SNX13: variants seen among roughly 807,000 people sequenced by gnomAD.
SNX13 encodes sorting nexin 13, also known as sorting nexin-13.
SNX13 carries 45 observed loss-of-function variants against 133.6 expected under a neutral mutation model. The ratio of observed to expected loss-of-function variants is 0.34; its 90% CI spans 0.27 to 0.43. SNX13 has a LOEUF of 0.43. SNX13 is among the 20% of genes least tolerant of loss of function. SNX13 has a pLI of 1.00. For synonymous variants in SNX13, 414 were observed against 373.9 expected (o/e 1.11, Z -1.24); for missense variants, 1,032 against 1,145.1 (o/e 0.90, Z 1.43).
chr7:17,878,414 A>C (rs1211843125), intron 5 of SNX13, among the ~76,000 whole-genome samples: 1 of 152,210 alleles, frequency 6.6e-6, no homozygotes, highest in Non-Finnish European at 1.5e-5. Flanking sequence ...TGAAGCTTAT[A>C]TATCTTGACA....
chr7:17,887,636 G>C (rs1243401079), intron 5 of SNX13, among the ~76,000 whole-genome samples: 1 of 152,192 alleles, frequency 6.6e-6, no homozygotes, highest in Non-Finnish European at 1.5e-5. Context: ...AAGAGCTTAA[G>C]AAGTAATAGA....
In SNX13 at chr7:17,839,808, T is replaced by G; in HGVS notation, c.1358A>C (p.Lys453Thr). 1.3e-6 allele frequency: 2 copies of G among 1,596,678 alleles called. No individual in the cohort carries two copies. Among genetic ancestry groups the G allele is most frequent in the Non-Finnish European group, 1.7e-6 (2 of 1,172,208 alleles). The change falls in exon 13 of 26, where the codon AAG becomes ACG. Residue 453 changes from lysine to threonine, a missense_variant and splice_region_variant. By Grantham distance (78) the Lys-to-Thr change is moderately conservative. Transcript: ENST00000428135. The part of the protein sequence containing the change: ...VGIYEQYLSE[K>T]ASPRVTVDDY... ...ACAGTAATCAAAATACAGCCTCACC[T>G]TTTCTGATAAATACTGTTCATAAAT...
chr7:17,812,129 A>G (rs1318248499), intron 20 of SNX13, among the ~76,000 whole-genome samples: 1 of 152,182 alleles, frequency 6.6e-6, no homozygotes, highest in Non-Finnish European at 1.5e-5. Context: ...AATGGCAACA[A>G]AAGCCAAAAT....
chr7:17,792,750 G>A lies in SNX13; in HGVS notation c.*1295C>T, dbSNP rs1353594349. 1 of 152,304 alleles carries A rather than the reference G, an allele frequency of 6.6e-6. No homozygotes were observed. The highest frequency in any genetic ancestry group is 6.6e-5 in the Admixed American group (1 of 15,228). 9.4% of individuals were successfully genotyped at this position (152,304 alleles called of 1,614,324 possible). ...AGGCAATGAAAGTATTTAAAACTAT[G>A]CAGAAATCCTGCATAGAAGGGATGT... On this transcript the variant is annotated 3_prime_UTR_variant, in exon 26 of 26. Coordinates refer to ENST00000428135, the MANE Select transcript of SNX13 (RefSeq NM_015132.5).
At chr7:17,906,269 G>A (rs1023084786) in intron 1 of SNX13, among the ~76,000 whole-genome samples, 3 of 151,976 alleles carry the variant, frequency 2.0e-5, no homozygotes, top group Non-Finnish European at 1.5e-5. Flanking sequence ...CAATTCATTC[G>A]ACATTTAATA....
intron 25 of SNX13, chr7:17,795,075 T>A (rs1783902638): frequency 1.3e-5 from 2 of 151,548 alleles, no homozygotes. Flanking sequence ...TAACAAAGCA[T>A]GCTCAAGAAA....
At chr7:17,930,942 G>A (rs1319796948) in intron 1 of SNX13, among the ~76,000 whole-genome samples, 2 of 152,110 alleles carry the variant, frequency 1.3e-5, no homozygotes, top group African/African-American at 2.4e-5. Flanking sequence ...ATCTAAGGTG[G>A]AACAGTTTCA....
At chr7:17,890,915 A>G (rs1299174277) in intron 4 of SNX13, among the ~76,000 whole-genome samples, 1 of 151,966 alleles carries the variant, frequency 6.6e-6, no homozygotes, top group South Asian at 2.1e-4. Context: ...GATCCATTGC[A>G]GTCTAATTAT....
At position 17,866,501 on chromosome 7, in the gene SNX13, T is replaced by C. The variant is rs549422742; in HGVS notation, c.837+1906A>G. Reference sequence around the variant, plus strand: ...AAAGGCAATAACAAATGCTTGCAAGTATGTAAAGAAATGGATAAAGAAAAC... The same window carrying C: ...AAAGGCAATAACAAATGCTTGCAAGCATGTAAAGAAATGGATAAAGAAAAC... On this transcript the variant is annotated intron_variant, in intron 9 of 25. Coordinates refer to ENST00000428135, the MANE Select transcript of SNX13 (RefSeq NM_015132.5). Among the ~76,000 whole-genome samples, 11 of 152,008 alleles carry C rather than the reference T, an allele frequency of 7.2e-5. No homozygotes were observed. In the South Asian group the frequency reaches 2.1e-3, roughly 29 times the overall value.
Position 17,850,986 on chromosome 7 carries a change from A to T in SNX13, c.838-22T>A, listed in dbSNP as rs779822141. The T allele has an allele frequency of 2.4e-5, 38 of 1,587,820 alleles. No homozygotes were observed. The South Asian group carries it at 3.9e-4, about 16-fold the overall frequency. ...GGATCTGAAAACAAGTTTAAGAAAA[A>T]CAGGTGGGAGAGGAACTCACTTATG... is the stretch of plus-strand genomic sequence containing the variant. On this transcript the variant is annotated intron_variant, in intron 9 of 25. Transcript: ENST00000428135.
At chr7:17,861,517 C>T (rs184402216) in intron 9 of SNX13, among the ~76,000 whole-genome samples, 1 of 152,084 alleles carries the variant, frequency 6.6e-6, no homozygotes, top group Non-Finnish European at 1.5e-5. Context: ...GATAAAAACA[C>T]TTGAAATTGG....
intron 1 of SNX13, among the ~76,000 whole-genome samples, chr7:17,936,780 C>T (rs1802081222): frequency 6.7e-6 from 1 of 150,008 alleles, no homozygotes; most frequent in Non-Finnish European, 1.5e-5. Flanking sequence ...GGTAAACAAA[C>T]ATCCCATGCT....
At chr7:17,805,256 C>CGT (rs1554304399) in intron 20 of SNX13, among the ~76,000 whole-genome samples, 722 of 58,150 alleles carry the variant, frequency 0.012, 2 homozygotes, top group African/African-American at 0.025. Context: ...TGTGTGCGTG[C>CGT]GCGCGCGCGC....
chr7:17,861,138 C>G (rs907560129), intron 9 of SNX13, among the ~76,000 whole-genome samples: 5 of 152,070 alleles, frequency 3.3e-5, no homozygotes, highest in African/African-American at 4.8e-5. Flanking sequence ...ACTTCAGCCT[C>G]TGGAGTAGCT....
At chr7:17,864,961 A>C (rs1793203673) in intron 9 of SNX13, among the ~76,000 whole-genome samples, 1 of 152,132 alleles carries the variant, frequency 6.6e-6, no homozygotes, top group Non-Finnish European at 1.5e-5. Flanking sequence ...CAAAGTGCTG[A>C]AGGAAAAAAA....
intron 8 of SNX13, among the ~76,000 whole-genome samples, chr7:17,873,184 G>C (rs1182433773): frequency 2.6e-5 from 4 of 152,054 alleles, no homozygotes; most frequent in Non-Finnish European, 5.9e-5. Flanking sequence ...CCGAAGCTTG[G>C]GTTTCAGGTG....
chr7:17,798,961 T>C, intron 23 of SNX13, 48 bp downstream of exon 23: 1 of 1,567,872 alleles, frequency 6.4e-7, no homozygotes, highest in Non-Finnish European at 8.6e-7. Context: ...AGTAAGAGTT[T>C]AATAGCTAAG....
At chr7:17,900,348 C>CT (rs1797682000) in intron 1 of SNX13, 1 of 152,310 alleles carries the variant, frequency 6.6e-6, no homozygotes, top group Admixed American at 6.5e-5. Context: ...CCCTAGGACT[C>CT]TACAATCTAC....
At position 17,830,061 on chromosome 7, in the gene SNX13, A is replaced by G; in HGVS notation, c.1598-14T>C. ...CATTAAAAGATTCTGCAGGGGGGAA[A>G]TTCAACTTAGTATACAGCAAAAAAC... On this transcript the variant is annotated splice_polypyrimidine_tract_variant and intron_variant, in intron 15 of 25. Coordinates refer to ENST00000428135, the MANE Select transcript of SNX13 (RefSeq NM_015132.5). 6.6e-7 allele frequency: 1 copy of G among 1,525,052 alleles called. No individual in the cohort carries two copies. The highest frequency in any genetic ancestry group is 8.8e-7 in the Non-Finnish European group (1 of 1,130,384). 94.5% of individuals were successfully genotyped at this position (1,525,052 alleles called of 1,614,324 possible).
Sources: gnomAD v4.1 joint callset for allele counts (sites outside exome capture counted in the v4.1 genomes callset) on GRCh38, gnomAD v4.1.1 for gene constraint, MANE v1.5 for transcripts, NCBI Gene and HGNC (gene_info 2026-07-23, HGNC 2026-07-21) for gene names.